REDIC1: variants seen among roughly 807,000 people sequenced by gnomAD.
REDIC1 encodes the protein HEI10 Interacting Protein 1.
chr12:39,904,075 G>A, the REDIC1 span, among the ~76,000 whole-genome samples: 3 of 152,118 alleles, frequency 2.0e-5, no homozygotes, highest in African/African-American at 4.8e-5. Context: ...AGAACACAGA[G>A]CAAAGGTCAC....
At chr12:39,630,979 A>G in the REDIC1 span, among the ~76,000 whole-genome samples, 1 of 152,236 alleles carries the variant, frequency 6.6e-6, no homozygotes, top group East Asian at 1.9e-4. Flanking sequence ...CTAAATATAA[A>G]CTACCATTAA....
the REDIC1 span, among the ~76,000 whole-genome samples, chr12:39,748,627 C>G: frequency 6.6e-6 from 1 of 152,200 alleles, no homozygotes; most frequent in Admixed American, 6.5e-5. Context: ...TTCTTCTCAG[C>G]ACCACACTGC....
At chr12:39,889,892 T>C in the REDIC1 span, among the ~76,000 whole-genome samples, 1 of 152,284 alleles carries the variant, frequency 6.6e-6, no homozygotes, top group East Asian at 1.9e-4. Context: ...TTTACAAAAC[T>C]CTCTATAATC....
the REDIC1 span, among the ~76,000 whole-genome samples, chr12:39,854,876 T>TTCATTGGTC: frequency 6.6e-6 from 1 of 152,202 alleles, no homozygotes; most frequent in Non-Finnish European, 1.5e-5. Flanking sequence ...CTTCTCCATT[T>TTCATTGGTC]TCATTGGTCT....
At chr12:39,767,452 A>G in the REDIC1 span, among the ~76,000 whole-genome samples, 1 of 151,830 alleles carries the variant, frequency 6.6e-6, no homozygotes, top group Non-Finnish European at 1.5e-5. Context: ...GGGCTCTAGG[A>G]TTTTTGGAGC....
the REDIC1 span, chr12:39,788,465 A>G: frequency 1.3e-5 from 2 of 152,176 alleles, no homozygotes; most frequent in Non-Finnish European, 2.9e-5. Context: ...GGGATGATTC[A>G]CATCCCAGGT....
chr12:39,713,771 A>G, the REDIC1 span, among the ~76,000 whole-genome samples: 4 of 149,122 alleles, frequency 2.7e-5, no homozygotes, highest in African/African-American at 2.4e-5. Context: ...GTATATATAT[A>G]TTTGTACGTA....
chr12:39,697,438 TAATA>T, the REDIC1 span, among the ~76,000 whole-genome samples: 8 of 152,168 alleles, frequency 5.3e-5, no homozygotes, highest in African/African-American at 1.9e-4. Flanking sequence ...AACTCACTGA[TAATA>T]ATAAGTACAC....
At chr12:39,761,262 T>C in the REDIC1 span, among the ~76,000 whole-genome samples, 1 of 151,604 alleles carries the variant, frequency 6.6e-6, no homozygotes, top group Non-Finnish European at 1.5e-5. Flanking sequence ...TAAGGGGGCT[T>C]CTCAGCTCCT....
At chr12:39,752,295 A>C in the REDIC1 span, among the ~76,000 whole-genome samples, 2 of 152,120 alleles carry the variant, frequency 1.3e-5, no homozygotes, top group African/African-American at 2.4e-5. Flanking sequence ...GTGGACTCTT[A>C]TGGGAGCACA....
At chr12:39,773,525 A>G in the REDIC1 span, among the ~76,000 whole-genome samples, 1 of 152,242 alleles carries the variant, frequency 6.6e-6, no homozygotes. Context: ...GCCTTTTAAA[A>G]TGTTACCTCT....
the REDIC1 span, among the ~76,000 whole-genome samples, chr12:39,766,416 A>G: frequency 6.6e-6 from 1 of 152,126 alleles, no homozygotes. Flanking sequence ...TTGATAAAAA[A>G]TGCTAACGAT....
the REDIC1 span, among the ~76,000 whole-genome samples, chr12:39,711,952 T>C: frequency 7.7e-6 from 1 of 129,800 alleles, no homozygotes. Flanking sequence ...CATGTATACA[T>C]ACATATATAT....
the REDIC1 span, among the ~76,000 whole-genome samples, chr12:39,800,715 A>C: frequency 8.6e-4 from 7 of 8,146 alleles, no homozygotes; most frequent in African/African-American, 1.6e-3. Context: ...AGAACTAGAA[A>C]TACCATTTGA....
At chr12:39,860,314 A>G in the REDIC1 span, among the ~76,000 whole-genome samples, 1 of 152,240 alleles carries the variant, frequency 6.6e-6, no homozygotes, top group East Asian at 1.9e-4. Context: ...TGCTGGGATT[A>G]AAAGCCTGAA....
chr12:39,907,165 A>AAC, the REDIC1 span, among the ~76,000 whole-genome samples: 17 of 152,166 alleles, frequency 1.1e-4, no homozygotes, highest in Admixed American at 1.1e-3. Flanking sequence ...ATTTCAAAAT[A>AAC]ACACACAAAT....
the REDIC1 span, among the ~76,000 whole-genome samples, chr12:39,808,953 G>GT: frequency 6.6e-6 from 1 of 151,950 alleles, no homozygotes; most frequent in Non-Finnish European, 1.5e-5. Context: ...CTTTTGTTGT[G>GT]TGTGCTTTTT....
chr12:39,827,224 C>T, the REDIC1 span, among the ~76,000 whole-genome samples: 1 of 152,018 alleles, frequency 6.6e-6, no homozygotes, highest in African/African-American at 2.4e-5. Context: ...ACTCATGGTT[C>T]CCACTTCACA....
the REDIC1 span, among the ~76,000 whole-genome samples, chr12:39,895,551 T>TATATACAC: frequency 6.6e-4 from 44 of 66,760 alleles, 6 homozygotes; most frequent in African/African-American, 2.7e-3. Flanking sequence ...TATATATATA[T>TATATACAC]ACACACACAC....
Sources: allele counts gnomAD v4.1 joint callset (sites outside exome capture counted in the v4.1 genomes callset), GRCh38; gene constraint gnomAD v4.1.1; transcripts MANE v1.5; gene names NCBI Gene and HGNC (gene_info 2026-07-23, HGNC 2026-07-21).